Variants in RBFOX1 observed in about 807,000 individuals in gnomAD.
The protein encoded by RBFOX1 is RNA binding protein fox-1 homolog 1.
Under a neutral mutation model 57.7 loss-of-function variants are expected in RBFOX1, and 8 were observed. The observed-to-expected ratio is 0.14, with a 90% CI of 0.08 to 0.25. The LOEUF is 0.25. Ranked by LOEUF, RBFOX1 falls within the 10% of genes least tolerant of loss-of-function variation. RBFOX1 has a pLI of 1.00. For synonymous variants in RBFOX1, 326 were observed against 222.4 expected, an observed-to-expected ratio of 1.47 and a Z score of -4.15; for missense variants, 611 against 548.5, an observed-to-expected ratio of 1.11 and a Z score of -1.14.
intron 4 of RBFOX1, among the ~76,000 whole-genome samples, chr16:7,325,611 C>G (rs1041295400): frequency 6.6e-6 from 1 of 152,082 alleles, no homozygotes; most frequent in Non-Finnish European, 1.5e-5. Flanking sequence ...TCTTTTTTTG[C>G]TAGATTAGTC....
chr16:5,967,471 A>G (rs2059869439), intron 4 of RBFOX1, among the ~76,000 whole-genome samples: 1 of 152,194 alleles, frequency 6.6e-6, no homozygotes, highest in Admixed American at 6.5e-5. Context: ...TTTTAGTGAG[A>G]AGTGATATTT....
At chr16:6,538,787 C>T (rs527881732) in intron 2 of RBFOX1, among the ~76,000 whole-genome samples, 120 of 152,246 alleles carry the variant, frequency 7.9e-4, no homozygotes, top group African/African-American at 2.7e-3. Flanking sequence ...CTTCCAGGGC[C>T]TCTGTCTTGT....
intron 3 of RBFOX1, among the ~76,000 whole-genome samples, chr16:6,978,644 C>T (rs2087778150): frequency 6.6e-6 from 1 of 152,176 alleles, no homozygotes; most frequent in Admixed American, 6.5e-5. Context: ...TTAATGTCCT[C>T]ATGATGATTT....
chr16:5,945,885 C>T (rs1410168705), intron 4 of RBFOX1, among the ~76,000 whole-genome samples: 8 of 152,178 alleles, frequency 5.3e-5, no homozygotes, highest in African/African-American at 1.7e-4. Context: ...GCCCCTCCCA[C>T]AGGGTGTCTG....
rs532497144 is a variant in RBFOX1, at chr16:6,668,124, A to G, written c.-16+13474A>G. On this transcript the variant is annotated intron_variant, in intron 3 of 15. Transcript: ENST00000550418. Reference sequence around the variant, plus strand: ...TTGTGTATCCTGTAGCTACTTCTCAATCTGACTGAAAGAGTATAGAGTTGA... The same window carrying G: ...TTGTGTATCCTGTAGCTACTTCTCAGTCTGACTGAAAGAGTATAGAGTTGA... 2.0e-4 allele frequency among the ~76,000 whole-genome samples: 30 copies of G among 152,298 alleles called. No individual in the cohort carries two copies. The East Asian group carries it at 5.4e-3, about 27-fold the overall frequency.
intron 3 of RBFOX1, among the ~76,000 whole-genome samples, chr16:6,843,429 C>T (rs756673377): frequency 1.3e-5 from 2 of 152,146 alleles, no homozygotes; most frequent in Non-Finnish European, 2.9e-5. Context: ...TGGCTTACAC[C>T]TGTAATCCCA....
At chr16:5,659,008 C>A (rs144973480) in intron 3 of RBFOX1, among the ~76,000 whole-genome samples, 1 of 151,718 alleles carries the variant, frequency 6.6e-6, no homozygotes, top group African/African-American at 2.4e-5. Flanking sequence ...TTTTGCATAA[C>A]CTTGGTAGAT....
At chr16:6,843,331 A>C (rs1046348893) in intron 3 of RBFOX1, among the ~76,000 whole-genome samples, 4 of 151,952 alleles carry the variant, frequency 2.6e-5, no homozygotes, top group African/African-American at 9.7e-5. Context: ...TAGAGAAAAC[A>C]CATATTCCAG....
intron 4 of RBFOX1, among the ~76,000 whole-genome samples, chr16:7,400,665 G>A (rs1270355449): frequency 6.6e-6 from 1 of 152,162 alleles, no homozygotes; most frequent in African/African-American, 2.4e-5. Context: ...CCATTTGGAG[G>A]TTTTCCACTT....
intron 4 of RBFOX1, among the ~76,000 whole-genome samples, chr16:7,477,565 G>A (rs542302910): frequency 1.3e-5 from 2 of 152,284 alleles, no homozygotes; most frequent in African/African-American, 4.8e-5. Flanking sequence ...GAACTTGACA[G>A]ATTCCGGCTG....
chr16:7,094,485 C>T (rs142791307), intron 4 of RBFOX1, among the ~76,000 whole-genome samples: 282 of 152,232 alleles, frequency 1.9e-3, no homozygotes, highest in African/African-American at 6.3e-3. Flanking sequence ...GTTCTGGGGA[C>T]TGGATAGAAT....
At chr16:5,681,398 T>C (rs1011112268) in intron 3 of RBFOX1, among the ~76,000 whole-genome samples, 3 of 150,132 alleles carry the variant, frequency 2.0e-5, no homozygotes, top group Admixed American at 6.6e-5. Context: ...TCTTTTTTTT[T>C]TTTTTTTGAG....
At chr16:6,419,727 G>A (rs1416377066) in intron 2 of RBFOX1, among the ~76,000 whole-genome samples, 2 of 152,052 alleles carry the variant, frequency 1.3e-5, no homozygotes, top group South Asian at 2.1e-4. Flanking sequence ...CATCCCAGTC[G>A]TGTTCTATCT....
At chr16:6,675,147 G>A (rs549584233) in intron 3 of RBFOX1, among the ~76,000 whole-genome samples, 386 of 152,002 alleles carry the variant, frequency 2.5e-3, no homozygotes, top group Admixed American at 5.8e-3. Context: ...CTCGTGATCC[G>A]CCCACCTCGG....
intron 3 of RBFOX1, among the ~76,000 whole-genome samples, chr16:5,689,173 G>A (rs1394134973): frequency 2.0e-5 from 3 of 152,206 alleles, no homozygotes; most frequent in Admixed American, 2.0e-4. Flanking sequence ...GAATTGTGGG[G>A]AGGGCAGCCA....
intron 3 of RBFOX1, among the ~76,000 whole-genome samples, chr16:5,762,179 A>C (rs1217923322): frequency 1.3e-5 from 2 of 152,324 alleles, no homozygotes; most frequent in East Asian, 1.9e-4. Flanking sequence ...TTTCCTCTTC[A>C]TCCTAGACTT....
intron 2 of RBFOX1, among the ~76,000 whole-genome samples, chr16:6,445,356 AG>A (rs2094463177): frequency 6.6e-6 from 1 of 152,084 alleles, no homozygotes; most frequent in South Asian, 2.1e-4. Context: ...AGAATATCAC[AG>A]GGAGACATCT....
intron 4 of RBFOX1, among the ~76,000 whole-genome samples, chr16:5,904,874 G>A (rs1046842073): frequency 6.6e-6 from 1 of 150,614 alleles, no homozygotes; most frequent in African/African-American, 2.4e-5. Context: ...CTACTCGGGA[G>A]GCTGAGGCAG....
At chr16:7,477,192 A>C (rs1331551237) in intron 4 of RBFOX1, among the ~76,000 whole-genome samples, 1 of 152,222 alleles carries the variant, frequency 6.6e-6, no homozygotes, top group Non-Finnish European at 1.5e-5. Context: ...TGGATGCTAA[A>C]ATCGGTATAT....
Sources: allele counts gnomAD v4.1 joint callset (sites outside exome capture counted in the v4.1 genomes callset), GRCh38; gene constraint gnomAD v4.1.1; transcripts MANE v1.5; gene names NCBI Gene and HGNC (gene_info 2026-07-23, HGNC 2026-07-21).